Variants in SNTG1 observed in about 807,000 individuals in gnomAD.
SNTG1 encodes gamma-1-syntrophin.
In SNTG1, 39 loss-of-function variants were observed where a neutral mutation model predicts 74.7. The observed-to-expected ratio is 0.52, with a 90% CI of 0.40 to 0.68. The LOEUF (loss-of-function observed/expected upper bound fraction) is 0.68. Ranked by LOEUF, SNTG1 falls within the 30% of genes least tolerant of loss-of-function variation. SNTG1 has a pLI of 0.00. For missense variants in SNTG1, 685 were observed against 609.5 expected, an observed-to-expected ratio of 1.12 and a Z score of -1.30; for synonymous variants, 254 against 217.1, an observed-to-expected ratio of 1.17 and a Z score of -1.49.
At chr8:49,950,948 T>A (rs1260077261) in intron 1 of SNTG1, among the ~76,000 whole-genome samples, 4 of 152,364 alleles carry the variant, frequency 2.6e-5, no homozygotes, top group African/African-American at 9.6e-5. Flanking sequence ...CTTTATTTTT[T>A]AAAAATAATT....
chr8:49,928,885 G>A (rs1463195823), intron 1 of SNTG1, among the ~76,000 whole-genome samples: 1 of 151,724 alleles, frequency 6.6e-6, no homozygotes, highest in African/African-American at 2.4e-5. Context: ...TATATTTTTG[G>A]AAAGAAACAA....
chr8:50,361,310 T>C (rs961846639), intron 2 of SNTG1, among the ~76,000 whole-genome samples: 8 of 152,316 alleles, frequency 5.3e-5, no homozygotes, highest in Middle Eastern at 3.4e-3. Context: ...ATGGTAATGA[T>C]GCCTTCTTCT....
intron 2 of SNTG1, among the ~76,000 whole-genome samples, chr8:50,301,118 A>G (rs918058827): frequency 2.0e-4 from 30 of 152,176 alleles, no homozygotes; most frequent in African/African-American, 6.7e-4. Flanking sequence ...AATATTTTTC[A>G]TCAACTGTGG....
intron 8 of SNTG1, among the ~76,000 whole-genome samples, chr8:50,455,983 T>A (rs528349479): frequency 6.6e-6 from 1 of 152,256 alleles, no homozygotes; most frequent in Admixed American, 6.5e-5. Flanking sequence ...CAATGTAATT[T>A]AACTTTGAAT....
intron 1 of SNTG1, among the ~76,000 whole-genome samples, chr8:50,136,907 T>C (rs1251545027): frequency 6.6e-6 from 1 of 152,042 alleles, no homozygotes; most frequent in Non-Finnish European, 1.5e-5. Flanking sequence ...GGAGACTCTT[T>C]AAAACCAACA....
At chr8:50,699,234 G>C (rs1285940464) in intron 15 of SNTG1, among the ~76,000 whole-genome samples, 1 of 152,028 alleles carries the variant, frequency 6.6e-6, no homozygotes, top group African/African-American at 2.4e-5. Context: ...AGTCTGGGTA[G>C]GCAATGAGAT....
intron 2 of SNTG1, among the ~76,000 whole-genome samples, chr8:50,206,783 T>C (rs1472164466): frequency 6.6e-6 from 1 of 152,212 alleles, no homozygotes; most frequent in African/African-American, 2.4e-5. Context: ...GAAGGGTTGT[T>C]GAATTTTGTC....
chr8:50,589,625 C>T (rs992871502), intron 12 of SNTG1, among the ~76,000 whole-genome samples: 14 of 151,030 alleles, frequency 9.3e-5, no homozygotes, highest in African/African-American at 3.4e-4. Flanking sequence ...TACGAAGCTA[C>T]ATAGTACATT....
rs1021677488 is a variant in SNTG1, at chr8:50,781,650, G to C, written c.1396-11021G>C. ...TACAGCACATTGGTGGGTCTTGACT[G>C]TTTATCCAATTTGCCAGTCTGTGTC... On this transcript the variant is annotated intron_variant, in intron 18 of 18. Transcript: ENST00000642720. 5.9e-5 allele frequency among the ~76,000 whole-genome samples: 9 copies of C among 152,194 alleles called. 1 individual carries two copies. The East Asian group carries it at 1.2e-3, about 20-fold the overall frequency.
chr8:50,545,378 G>A (rs1033712578), intron 11 of SNTG1, among the ~76,000 whole-genome samples: 1 of 150,938 alleles, frequency 6.6e-6, no homozygotes, highest in Admixed American at 6.6e-5. Context: ...GATAAAGATT[G>A]TTAAAATTGG....
intron 2 of SNTG1, among the ~76,000 whole-genome samples, chr8:50,306,580 A>G (rs2089906981): frequency 6.6e-6 from 1 of 152,006 alleles, no homozygotes; most frequent in Non-Finnish European, 1.5e-5. Context: ...ACTTTTTCAT[A>G]TTAGCCATTC....
chr8:50,092,561 A>T (rs767180421), intron 1 of SNTG1, among the ~76,000 whole-genome samples: 64 of 152,202 alleles, frequency 4.2e-4, no homozygotes, highest in Admixed American at 3.3e-3. Context: ...ATCCTTGCTG[A>T]ACTTTCTTCA....
At chr8:50,777,985 G>T (rs1393675177) in intron 18 of SNTG1, among the ~76,000 whole-genome samples, 1 of 151,976 alleles carries the variant, frequency 6.6e-6, no homozygotes, top group African/African-American at 2.4e-5. Context: ...AGTTTACTGA[G>T]AATGATGATT....
chr8:50,036,600 T>C (rs935077687), intron 1 of SNTG1, among the ~76,000 whole-genome samples: 3 of 152,232 alleles, frequency 2.0e-5, no homozygotes, highest in Non-Finnish European at 4.4e-5. Flanking sequence ...AAAGTCTCAT[T>C]GTTAAGGCAT....
chr8:50,001,284 G>A lies in SNTG1; in HGVS notation c.-103+89053G>A, dbSNP rs148628629. 5.7e-3 allele frequency among the ~76,000 whole-genome samples: 871 copies of A among 152,288 alleles called. 25 individuals are homozygous for A. Among genetic ancestry groups the A allele is most frequent in the Admixed American group, 0.05 (768 of 15,290 alleles). Reference sequence around the variant, plus strand: ...GGATTCCCACCCTCCCACAGAGACTGAGAGATGAGGATCCTGTCTTCAGGT... The same window carrying A: ...GGATTCCCACCCTCCCACAGAGACTAAGAGATGAGGATCCTGTCTTCAGGT... On this transcript the variant is annotated intron_variant, in intron 1 of 18. Transcript: ENST00000642720.
intron 12 of SNTG1, among the ~76,000 whole-genome samples, chr8:50,560,339 A>G (rs2094480004): frequency 6.6e-6 from 1 of 152,200 alleles, no homozygotes; most frequent in South Asian, 2.1e-4. Flanking sequence ...AAACAGAAAT[A>G]CCATTTGACC....
intron 5 of SNTG1, 71 bp from the exon 6 acceptor site, chr8:50,449,597 G>A: frequency 8.1e-7 from 1 of 1,231,788 alleles, no homozygotes; most frequent in African/African-American, 1.5e-5. Flanking sequence ...TTCAGAGCCT[G>A]TATGGTTTCT....
At chr8:50,492,516 T>C (rs1416920110) in intron 8 of SNTG1, among the ~76,000 whole-genome samples, 2 of 152,228 alleles carry the variant, frequency 1.3e-5, no homozygotes, top group South Asian at 2.1e-4. Flanking sequence ...TCTTCATATG[T>C]TTGTTGGCCA....
intron 1 of SNTG1, among the ~76,000 whole-genome samples, chr8:50,000,634 T>C (rs1439413614): frequency 2.0e-5 from 3 of 152,182 alleles, no homozygotes; most frequent in Non-Finnish European, 2.9e-5. Context: ...ATAAGCAATA[T>C]AAAATAGTCT....
Sources: allele counts gnomAD v4.1 joint callset (sites outside exome capture counted in the v4.1 genomes callset), GRCh38; gene constraint gnomAD v4.1.1; transcripts MANE v1.5; gene names NCBI Gene and HGNC (gene_info 2026-07-23, HGNC 2026-07-21).